DGKI: variants seen among roughly 807,000 people sequenced by gnomAD.
The protein encoded by DGKI is diacylglycerol kinase iota.
In DGKI, 55 loss-of-function variants were observed where a neutral mutation model predicts 147.5. That is an observed-to-expected ratio of 0.37 (90% CI 0.30 to 0.47). The LOEUF (loss-of-function observed/expected upper bound fraction) is 0.47, where lower values mean the gene tolerates loss of function less well. DGKI is among the 20% of genes least tolerant of loss of function. The pLI is 1.00. For missense variants in DGKI, 1,007 were observed against 1,323.8 expected (o/e 0.76, Z 3.71); for synonymous variants, 469 against 477.1 (o/e 0.98, Z 0.22).
At chr7:137,644,055 G>A (rs1038544295) in intron 6 of DGKI, among the ~76,000 whole-genome samples, 14 of 152,044 alleles carry the variant, frequency 9.2e-5, no homozygotes, top group African/African-American at 3.1e-4. Context: ...AGTTACAGTC[G>A]ATGATTCTTG....
In DGKI at chr7:137,846,159, TCTCACACACACACA is replaced by T. The variant is rs1396065614; in HGVS notation, c.401+289_401+302del. Among the ~76,000 whole-genome samples the T allele has an allele frequency of 7.7e-6, 1 of 130,134 alleles. No individual in the cohort carries two copies. Among genetic ancestry groups the T allele is most frequent in the African/African-American group, 3.1e-5 (1 of 32,356 alleles). The allele number at this position is 130,134 out of a possible 152,430, so 85.4% of individuals were successfully genotyped here. On this transcript the variant is annotated intron_variant, in intron 1 of 32. Transcript: ENST00000614521. The surrounding 1 kb of genome is among the most constrained non-coding windows in gnomAD (Gnocchi z 4.0). ...TTCTCTCTCTCTCTCTCTCTCTCTC[TCTCACACACACACA>T]CACACACACACACACACACACACAC...
At chr7:137,624,697 C>T (rs1026133496) in intron 6 of DGKI, among the ~76,000 whole-genome samples, 2 of 152,054 alleles carry the variant, frequency 1.3e-5, no homozygotes, top group Non-Finnish European at 2.9e-5. Context: ...CTCCGCCTCC[C>T]GGGTTCACAC....
chr7:137,460,756 A>C (rs996680039), intron 27 of DGKI, among the ~76,000 whole-genome samples: 2 of 152,198 alleles, frequency 1.3e-5, no homozygotes, highest in Non-Finnish European at 2.9e-5. Context: ...GTACAATACA[A>C]AACAAAACCA....
chr7:137,641,639 G>C (rs1174350710), intron 6 of DGKI, among the ~76,000 whole-genome samples: 16 of 152,114 alleles, frequency 1.1e-4, no homozygotes, highest in Admixed American at 1.0e-3. Context: ...ATACGCAAAT[G>C]TTCCAAAATC....
chr7:137,421,597 C>T (rs1812573698), intron 28 of DGKI, among the ~76,000 whole-genome samples: 1 of 152,188 alleles, frequency 6.6e-6, no homozygotes, highest in Admixed American at 6.5e-5. Flanking sequence ...TTTTATTCAC[C>T]ACTGGAATTG....
intron 20 of DGKI, among the ~76,000 whole-genome samples, chr7:137,534,180 C>T (rs1020914591): frequency 2.6e-5 from 4 of 152,074 alleles, no homozygotes; most frequent in Non-Finnish European, 4.4e-5. Flanking sequence ...ACGCTCAAAA[C>T]GAACATCTAG....
At position 137,599,880 on chromosome 7, in the gene DGKI, A is replaced by G. The variant is rs1819926594; in HGVS notation, c.1193T>C (p.Met398Thr). 3 of 1,613,946 alleles carry G rather than the reference A, an allele frequency of 1.9e-6. No individual in the cohort carries two copies. The highest frequency in any genetic ancestry group is 2.5e-6 in the Non-Finnish European group (3 of 1,179,820). The part of the protein sequence containing the change: ...NQGTKVLQMF[M>T]WYLNPRQVFD... Reference sequence around the variant, plus strand: ...GACTTGCCGTGGATTCAGGTACCACATGAACATCTGCAGGACTTTGGTTCC... The same window carrying G: ...GACTTGCCGTGGATTCAGGTACCACGTGAACATCTGCAGGACTTTGGTTCC... The change falls in exon 11 of 33, where the codon ATG (methionine) becomes ACG (threonine). Residue 398 changes from methionine to threonine, a missense_variant. By Grantham distance (81) the Met-to-Thr change is moderately conservative. This residue lies in a region of DGKI where 224 missense variants were observed against 382.7 expected (regional missense o/e 0.59). Coordinates refer to ENST00000614521, the MANE Select transcript of DGKI (RefSeq NM_001321708.2).
At chr7:137,754,843 C>T (rs571390385) in intron 1 of DGKI, among the ~76,000 whole-genome samples, 1 of 152,268 alleles carries the variant, frequency 6.6e-6, no homozygotes, top group African/African-American at 2.4e-5. Context: ...GTTTGACTCA[C>T]AGCAGAGGGG....
chr7:137,785,901 G>C (rs1796655126), intron 1 of DGKI, among the ~76,000 whole-genome samples: 1 of 152,196 alleles, frequency 6.6e-6, no homozygotes, highest in East Asian at 1.9e-4. Context: ...TGCAGAAAAA[G>C]CATTTGACAA....
chr7:137,688,260 A>G (rs1232591365), intron 2 of DGKI, among the ~76,000 whole-genome samples: 1 of 152,218 alleles, frequency 6.6e-6, no homozygotes, highest in Non-Finnish European at 1.5e-5. Flanking sequence ...CAGAATCCCA[A>G]GTAACCAATA....
At position 137,552,451 on chromosome 7, in the gene DGKI, CT is replaced by C; in HGVS notation, c.2064del (p.Ala689LeufsTer2). ...QVDGEPCRLA[P>X]AMIRISLRNQ... The stretch of plus-strand genomic sequence containing the variant: ...TTCCTCAGGGAGATCCGAATCATAG[CT>C]GGGGCCAACCTACAGGGCTCCCCAT... On this transcript the variant is annotated frameshift_variant, in exon 20 of 33. Transcript: ENST00000614521. LOFTEE classifies it high-confidence loss of function. 1 of 1,614,176 alleles carries C rather than the reference CT, an allele frequency of 6.2e-7. No individual in the cohort carries two copies. The highest frequency in any genetic ancestry group is 8.5e-7 in the Non-Finnish European group (1 of 1,180,040).
At chr7:137,561,731 CAAAT>C (rs145679516) in intron 19 of DGKI, among the ~76,000 whole-genome samples, 16 of 151,528 alleles carry the variant, frequency 1.1e-4, no homozygotes, top group South Asian at 2.1e-4. Context: ...AAAAAAACAA[CAAAT>C]AAAGAGAAAA....
At chr7:137,750,163 A>T (rs1795454361) in intron 1 of DGKI, among the ~76,000 whole-genome samples, 1 of 152,202 alleles carries the variant, frequency 6.6e-6, no homozygotes, top group Non-Finnish European at 1.5e-5. Context: ...AAGAAGAAAG[A>T]TACCCTTGTC....
intron 28 of DGKI, among the ~76,000 whole-genome samples, chr7:137,436,884 C>T (rs565329639): frequency 3.0e-4 from 46 of 151,814 alleles, no homozygotes; most frequent in African/African-American, 1.1e-3. Flanking sequence ...ATTAACAGAC[C>T]AAGGGGAAAA....
chr7:137,497,170 G>A (rs1349788081), intron 21 of DGKI, among the ~76,000 whole-genome samples: 2 of 150,326 alleles, frequency 1.3e-5, no homozygotes, highest in African/African-American at 2.4e-5. Context: ...ACATATATCC[G>A]GCAATCAATC....
chr7:137,760,559 T>C (rs1436691448), intron 1 of DGKI, among the ~76,000 whole-genome samples: 3 of 152,120 alleles, frequency 2.0e-5, no homozygotes, highest in African/African-American at 7.2e-5. Flanking sequence ...TTCTTTTCTG[T>C]TCCCGAATGG....
chr7:137,513,975 A>G, intron 21 of DGKI: 1 of 703,066 alleles, frequency 1.4e-6, no homozygotes, highest in Non-Finnish European at 2.5e-6. Context: ...ACAGGAGCAG[A>G]AACATGGAAT....
intron 20 of DGKI, among the ~76,000 whole-genome samples, chr7:137,534,592 A>C (rs1393480519): frequency 1.3e-5 from 2 of 152,026 alleles, no homozygotes; most frequent in African/African-American, 4.8e-5. Flanking sequence ...CTATATAATT[A>C]ATATGGAAAA....
At chr7:137,839,653 C>T (rs757661532) in intron 1 of DGKI, among the ~76,000 whole-genome samples, 1 of 152,144 alleles carries the variant, frequency 6.6e-6, no homozygotes, top group African/African-American at 2.4e-5. Context: ...GGGCTCTTCA[C>T]CAGTACTCTC....
Sources: allele counts gnomAD v4.1 joint callset (sites outside exome capture counted in the v4.1 genomes callset), GRCh38; gene constraint gnomAD v4.1.1; regional missense constraint gnomAD v4.1.1; non-coding constraint Gnocchi (gnomAD v3.1); transcripts MANE v1.5; gene names NCBI Gene and HGNC (gene_info 2026-07-23, HGNC 2026-07-21).